Variants in COL23A1 observed in about 807,000 individuals in gnomAD.
COL23A1 encodes collagen alpha-1(XXIII) chain.
A neutral mutation model predicts 99.3 loss-of-function variants in COL23A1; 97 were observed. The ratio of observed to expected loss-of-function variants is 0.98; its 90% CI spans 0.83 to 1.16. The LOEUF (loss-of-function observed/expected upper bound fraction) is 1.16, where lower values mean the gene tolerates loss of function less well. Ranked by LOEUF, COL23A1 falls within the 50% of genes most tolerant of loss-of-function variation. COL23A1 has a pLI of 0.00. For synonymous variants in COL23A1, 320 were observed against 308.2 expected (o/e 1.04, Z -0.40); for missense variants, 762 against 757.4 (o/e 1.01, Z -0.07).
chr5:178,369,778 A>C (rs1420353716), intron 2 of COL23A1, among the ~76,000 whole-genome samples: 3 of 152,224 alleles, frequency 2.0e-5, no homozygotes, highest in Non-Finnish European at 4.4e-5. Context: ...TAAGTCCATT[A>C]AATCTCTTTC....
intron 2 of COL23A1, among the ~76,000 whole-genome samples, chr5:178,412,439 T>C (rs1009110538): frequency 1.3e-5 from 2 of 152,206 alleles, no homozygotes. Context: ...CCACTAAATA[T>C]AAACAAATTT....
At chr5:178,381,977 G>A (rs562671642) in intron 2 of COL23A1, among the ~76,000 whole-genome samples, 38 of 152,320 alleles carry the variant, frequency 2.5e-4, no homozygotes, top group Non-Finnish European at 4.1e-4. Context: ...TGCCCCCTCC[G>A]GTGGGAATCC....
At chr5:178,240,604 G>A (rs932574406) in intron 27 of COL23A1, among the ~76,000 whole-genome samples, 4 of 152,220 alleles carry the variant, frequency 2.6e-5, no homozygotes, top group African/African-American at 7.2e-5. Context: ...CCGGAGCTGC[G>A]GGGCTGGGCC....
intron 2 of COL23A1, among the ~76,000 whole-genome samples, chr5:178,361,309 G>C (rs1025778440): frequency 2.0e-5 from 3 of 152,206 alleles, no homozygotes; most frequent in African/African-American, 4.8e-5. Context: ...GATCTCTTGA[G>C]TCAGCTGGAA....
chr5:178,385,476 T>A (rs1763622148), intron 2 of COL23A1, among the ~76,000 whole-genome samples: 1 of 152,138 alleles, frequency 6.6e-6, no homozygotes, highest in African/African-American at 2.4e-5. Context: ...AGGACGTGAG[T>A]GCAGCCAGGC....
chr5:178,348,873 A>C (rs1761139759), intron 2 of COL23A1, among the ~76,000 whole-genome samples: 2 of 152,078 alleles, frequency 1.3e-5, no homozygotes, highest in African/African-American at 4.8e-5. Flanking sequence ...AGGGAGGGAG[A>C]TCAAATTCAG....
intron 2 of COL23A1, among the ~76,000 whole-genome samples, chr5:178,472,866 T>C (rs1358826458): frequency 2.0e-5 from 3 of 152,184 alleles, no homozygotes; most frequent in Non-Finnish European, 2.9e-5. Context: ...GGCTCATGTC[T>C]GTAATCCCAA....
At chr5:178,551,841 A>T (rs1323431895) in intron 2 of COL23A1, among the ~76,000 whole-genome samples, 1 of 151,958 alleles carries the variant, frequency 6.6e-6, no homozygotes, top group African/African-American at 2.4e-5. Context: ...CTTAAAGCTA[A>T]ATTCCACTCA....
intron 2 of COL23A1, chr5:178,378,268 G>A (rs1763188436): frequency 6.6e-6 from 1 of 152,084 alleles, no homozygotes; most frequent in Non-Finnish European, 1.5e-5. Context: ...GGGATAACAG[G>A]CCCCACAGAG....
intron 2 of COL23A1, among the ~76,000 whole-genome samples, chr5:178,358,685 G>GTGTA (rs1444109053): frequency 1.9e-4 from 25 of 134,794 alleles, no homozygotes; most frequent in East Asian, 8.7e-4. Flanking sequence ...GTATGTGTAT[G>GTGTA]TGTGTGTATG....
chr5:178,523,191 T>TATATAAATATATATATATATATACAC, intron 2 of COL23A1, among the ~76,000 whole-genome samples: 1 of 80,860 alleles, frequency 1.2e-5, no homozygotes, highest in African/African-American at 3.9e-5. Context: ...CATATATATA[T>TATATAAATATATATATATATATACAC]ATATATATAT....
intron 1 of COL23A1, among the ~76,000 whole-genome samples, chr5:178,561,026 C>A (rs750453695): frequency 2.6e-5 from 4 of 152,172 alleles, no homozygotes; most frequent in Non-Finnish European, 4.4e-5. Flanking sequence ...CCAAGAGTTA[C>A]GACAGAAACA....
chr5:178,408,083 A>T (rs2127775674), intron 2 of COL23A1, among the ~76,000 whole-genome samples: 1 of 152,386 alleles, frequency 6.6e-6, no homozygotes, highest in Non-Finnish European at 1.5e-5. Flanking sequence ...AATATTTCAG[A>T]GAGAAATGAC....
intron 2 of COL23A1, among the ~76,000 whole-genome samples, chr5:178,516,059 C>A (rs685631): frequency 5.9e-5 from 9 of 151,966 alleles, no homozygotes; most frequent in Admixed American, 2.6e-4. Flanking sequence ...CCTCACCTCC[C>A]TGGCAGATCC....
At chr5:178,466,844 C>A (rs1413236372) in intron 2 of COL23A1, among the ~76,000 whole-genome samples, 1 of 152,218 alleles carries the variant, frequency 6.6e-6, no homozygotes, top group African/African-American at 2.4e-5. Flanking sequence ...GTCAGCTGGG[C>A]ACACGGAAGT....
At chr5:178,246,629 C>T (rs575263129) in intron 22 of COL23A1, among the ~76,000 whole-genome samples, 176 bp from the exon 23 acceptor site, 8 of 152,200 alleles carry the variant, frequency 5.3e-5, no homozygotes, top group East Asian at 1.9e-4. Flanking sequence ...TCTGGCCATG[C>T]GCATTGCGCC....
chr5:178,534,551 C>T lies in COL23A1; in HGVS notation c.361+26131G>A, dbSNP rs112276194. Among the ~76,000 whole-genome samples, 1,500 of 152,206 alleles carry T rather than the reference C, an allele frequency of 9.9e-3. 8 individuals carry two copies. Among genetic ancestry groups the T allele is most frequent in the Non-Finnish European group, 0.014 (974 of 68,010 alleles). ...ATCCCAGCAATTTGGGAGGCCAAGG[C>T]GGGCAGATCACGAGGTCAGGAGTTT... is the stretch of plus-strand genomic sequence containing the variant. On this transcript the variant is annotated intron_variant, in intron 2 of 28. Coordinates refer to ENST00000390654, the MANE Select transcript of COL23A1 (RefSeq NM_173465.4).
chr5:178,305,266 G>A (rs562088543), intron 3 of COL23A1, among the ~76,000 whole-genome samples: 81 of 152,280 alleles, frequency 5.3e-4, no homozygotes, highest in African/African-American at 1.9e-3. Context: ...GCCGGTGAGC[G>A]CTAAGGAGTG....
intron 2 of COL23A1, among the ~76,000 whole-genome samples, chr5:178,348,856 C>T (rs182544268): frequency 6.6e-6 from 1 of 152,326 alleles, no homozygotes; most frequent in African/African-American, 2.4e-5. Flanking sequence ...CAGGCCAACC[C>T]CCCAGCAGGG....
Sources: allele counts gnomAD v4.1 joint callset (sites outside exome capture counted in the v4.1 genomes callset), GRCh38; gene constraint gnomAD v4.1.1; transcripts MANE v1.5; gene names NCBI Gene and HGNC (gene_info 2026-07-23, HGNC 2026-07-21).